The following SPATA18 variants were observed in gnomAD, a reference collection of about 807,000 sequenced individuals.
The protein encoded by SPATA18 is mitochondria-eating protein.
A neutral mutation model predicts 68.1 loss-of-function variants in SPATA18; 54 were observed. The observed-to-expected ratio is 0.79, with a 90% confidence interval of 0.64 to 0.99. SPATA18 has a LOEUF of 0.99. Among genes scored for constraint, SPATA18 ranks in the 50% least tolerant of loss-of-function variants. The pLI is 0.00. For missense variants in SPATA18, 724 were observed against 681.1 expected (o/e 1.06, Z -0.70); for synonymous variants, 242 against 244.8 (o/e 0.99, Z 0.11).
At chr4:52,080,155 A>G (rs1740798530) in intron 9 of SPATA18, among the ~76,000 whole-genome samples, 2 of 152,214 alleles carry the variant, frequency 1.3e-5, no homozygotes, top group Admixed American at 6.5e-5. Flanking sequence ...GAGCCTATCT[A>G]GAACACTTTT....
chr4:52,052,520 T>C (rs1044504575), intron 1 of SPATA18, among the ~76,000 whole-genome samples: 1 of 152,166 alleles, frequency 6.6e-6, no homozygotes, highest in Admixed American at 6.5e-5. Flanking sequence ...TTGAATTTGC[T>C]TTACATTCGG....
At chr4:52,055,044 T>TCTGTTAC (rs1441348500) in intron 1 of SPATA18, among the ~76,000 whole-genome samples, 1 of 151,994 alleles carries the variant, frequency 6.6e-6, no homozygotes, top group Non-Finnish European at 1.5e-5. Flanking sequence ...CCAGAAAATT[T>TCTGTTAC]TGCCTGTAAC....
chr4:52,094,829 G>GA lies in SPATA18; in HGVS notation c.1610-47dup, dbSNP rs772900870. 5.3e-5 allele frequency: 85 copies of GA among 1,612,084 alleles called. 3 individuals carry two copies. Among genetic ancestry groups the GA allele is most frequent in the Non-Finnish European group, 6.1e-5 (72 of 1,178,294 alleles). ...CTCTTTCATTTAGGTGCTTCCAAAA[G>GA]AAAATCGAAGAAAGTGACCATAATA... is the stretch of plus-strand genomic sequence containing the variant. On this transcript the variant is annotated intron_variant, in intron 12 of 12. Coordinates refer to ENST00000295213, the MANE Select transcript of SPATA18 (RefSeq NM_145263.4).
intron 6 of SPATA18, among the ~76,000 whole-genome samples, chr4:52,072,643 T>C (rs1234645084): frequency 1.3e-5 from 2 of 152,156 alleles, no homozygotes; most frequent in African/African-American, 2.4e-5. Flanking sequence ...TGACCTCAGG[T>C]GATCTGCCTG....
At chr4:52,082,885 T>A in intron 10 of SPATA18, 1 of 985,368 alleles carries the variant, frequency 1.0e-6, no homozygotes, top group Non-Finnish European at 1.2e-6. Context: ...ATTTGCCAAA[T>A]TTTTACTGAC....
chr4:52,081,206 C>T (rs1012165537), intron 9 of SPATA18, among the ~76,000 whole-genome samples: 3 of 152,196 alleles, frequency 2.0e-5, no homozygotes, highest in African/African-American at 7.2e-5. Flanking sequence ...ATGTCAAAGA[C>T]TTCTGTAGGG....
chr4:52,080,308 G>C, intron 9 of SPATA18, among the ~76,000 whole-genome samples: 1 of 152,104 alleles, frequency 6.6e-6, no homozygotes, highest in East Asian at 1.9e-4. Flanking sequence ...CACATTCCTG[G>C]ATTACATTTT....
chr4:52,067,701 T>C lies in SPATA18; in HGVS notation c.423-2120T>C, dbSNP rs146283379. 2.9e-3 allele frequency among the ~76,000 whole-genome samples: 435 copies of C among 152,314 alleles called. 7 individuals are homozygous for C. The highest frequency in any genetic ancestry group is 0.025 in the Admixed American group (385 of 15,304). Reference sequence around the variant, plus strand: ...TCTTCTCTCCTTTAATACTCTTCCATGGTGATCTGCTTTTCTCATAATAGC... The same window carrying C: ...TCTTCTCTCCTTTAATACTCTTCCACGGTGATCTGCTTTTCTCATAATAGC... On this transcript the variant is annotated intron_variant, in intron 4 of 12. Coordinates refer to ENST00000295213, the MANE Select transcript of SPATA18 (RefSeq NM_145263.4).
chr4:52,091,087 T>TTGA (rs1197189562), intron 11 of SPATA18, among the ~76,000 whole-genome samples: 1 of 151,970 alleles, frequency 6.6e-6, no homozygotes, highest in African/African-American at 2.4e-5. Context: ...GATTTGGCTA[T>TTGA]TGATACTTGT....
chr4:52,069,639 T>C (rs1235410071), intron 4 of SPATA18, among the ~76,000 whole-genome samples, 182 bp from the exon 5 acceptor site: 1 of 152,360 alleles, frequency 6.6e-6, no homozygotes, highest in African/African-American at 2.4e-5. Flanking sequence ...TAGCATGTTT[T>C]AGCATACAAG....
rs778120667 is a variant in SPATA18, at chr4:52,072,028, G to A, written c.630G>A (p.Gln210=). 2.5e-6 allele frequency: 4 copies of A among 1,613,846 alleles called. No homozygotes were observed. Among genetic ancestry groups the A allele is most frequent in the Non-Finnish European group, 3.4e-6 (4 of 1,180,028 alleles). The change falls in exon 6 of 13, where the codon CAG becomes CAA. Residue 210 remains glutamine, a synonymous_variant. Transcript: ENST00000295213. ...GCTTGGAGGAGCGGAAGCGTGAGCA[G>A]TGGAACTCACTCAAGCAGAATGCAG... ...PWSLEERKRE[Q]WNSLKQNADQ...
rs1740417716 is a variant in SPATA18, at chr4:52,076,960, C to G, written c.940C>G (p.Arg314Gly). The G allele has an allele frequency of 6.2e-7, 1 of 1,613,972 alleles. No individual in the cohort carries two copies. The highest frequency in any genetic ancestry group is 1.1e-5 in the South Asian group (1 of 91,046). Residue 314 changes from arginine to glycine, a missense_variant, in exon 7 of 13, where the codon CGC becomes GGC. Physicochemically the swap from Arg to Gly is moderately radical, Grantham distance 125. Coordinates refer to ENST00000295213, the MANE Select transcript of SPATA18 (RefSeq NM_145263.4). ...GTTCAGCGATTCCTATTCCCAGGCCCGCCTGGACGCGCAGTGCCTGCTGCG... is the reference window on the plus strand; with the variant it reads ...GTTCAGCGATTCCTATTCCCAGGCCGGCCTGGACGCGCAGTGCCTGCTGCG... ...SRFSDSYSQA[R>G]LDAQCLLRRC... is the part of the protein sequence containing the mutation.
chr4:52,087,259 C>T (rs2109522748), intron 11 of SPATA18, among the ~76,000 whole-genome samples: 1 of 152,256 alleles, frequency 6.6e-6, no homozygotes, highest in East Asian at 1.9e-4. Context: ...TGTGCAAAAG[C>T]TCTTTAGTTT....
Position 52,095,158 on chromosome 4 carries a change from A to AATAT in SPATA18, c.*271_*272insATAT. 2 of 495,878 alleles carry AATAT rather than the reference A, an allele frequency of 4.0e-6. No homozygotes were observed. Among genetic ancestry groups the AATAT allele is most frequent in the South Asian group, 6.4e-5 (2 of 31,412 alleles). The allele number at this position is 495,878 out of a possible 1,614,324, so 30.7% of individuals were successfully genotyped here. A position where few individuals can be genotyped will look rare whatever the true frequency, so the allele number is the denominator to read the frequency against. ...TTAGGATCATATTCATTCGAAGCAA[A>AATAT]GTCCGTTACAAAGGTTCAAGATTTC... On this transcript the variant is annotated 3_prime_UTR_variant, in exon 13 of 13. Transcript: ENST00000295213.
chr4:52,076,941 C>T lies in SPATA18; in HGVS notation c.921C>T (p.Ser307=), dbSNP rs1740415338. 1.9e-6 allele frequency: 3 copies of T among 1,614,074 alleles called. No homozygotes were observed. The highest frequency in any genetic ancestry group is 2.5e-6 in the Non-Finnish European group (3 of 1,180,050). The change falls in exon 7 of 13, where the codon AGC becomes AGT. Residue 307 remains serine (S), a synonymous_variant. Transcript: ENST00000295213. ...AGGCTGCCCTCTTGTCCCGGTTCAG[C>T]GATTCCTATTCCCAGGCCCGCCTGG... is the stretch of plus-strand genomic sequence containing the variant. The part of the protein sequence containing the change: ...ARKAALLSRF[S]DSYSQARLDA...
At position 52,069,825 on chromosome 4, in the gene SPATA18, G is replaced by C; in HGVS notation, c.427G>C (p.Val143Leu). ...SQCNQVQDDLVETEKNLEESK... is the reference protein window; with the variant it reads ...SQCNQVQDDLLETEKNLEESK... ...AGTTACTGATTTATCTTACAGTCTG[G>C]TTGAAACTGAAAAGAATCTTGAAGA... is the stretch of plus-strand genomic sequence containing the variant. Residue 143 changes from valine (V) to leucine (L), a missense_variant, in exon 5 of 13, where the codon GTT (valine) becomes CTT (leucine). Val to Leu is a conservative substitution (Grantham distance 32). Transcript: ENST00000295213. 1 of 1,571,798 alleles carries C rather than the reference G, an allele frequency of 6.4e-7. No individual in the cohort carries two copies. Among genetic ancestry groups the C allele is most frequent in the Non-Finnish European group, 8.7e-7 (1 of 1,154,232 alleles).
At chr4:52,052,415 C>A (rs541114919) in intron 1 of SPATA18, among the ~76,000 whole-genome samples, 1 of 152,290 alleles carries the variant, frequency 6.6e-6, no homozygotes, top group South Asian at 2.1e-4. Flanking sequence ...AGTATTCTGT[C>A]ACCAAACCCA....
chr4:52,060,834 G>T lies in SPATA18; in HGVS notation c.246G>T (p.Leu82=). Reference sequence around the variant, plus strand: ...TCAAGTCACGCCTTTTGCCTTGGCTGGAGGCTTCCTTTACTGCTGCTTCCC... The same window carrying T: ...TCAAGTCACGCCTTTTGCCTTGGCTTGAGGCTTCCTTTACTGCTGCTTCCC... ...ETIKSRLLPW[L]EASFTAASLG... Residue 82 remains leucine, a synonymous_variant, in exon 3 of 13, where the codon CTG becomes CTT. Coordinates refer to ENST00000295213, the MANE Select transcript of SPATA18 (RefSeq NM_145263.4). The T allele has an allele frequency of 5.6e-6, 9 of 1,614,034 alleles. No individual in the cohort carries two copies. The highest frequency in any genetic ancestry group is 7.6e-6 in the Non-Finnish European group (9 of 1,179,970).
At chr4:52,086,746 C>T (rs1344446802) in intron 11 of SPATA18, among the ~76,000 whole-genome samples, 2 of 151,990 alleles carry the variant, frequency 1.3e-5, no homozygotes, top group Non-Finnish European at 2.9e-5. Context: ...GTGTCTTTAT[C>T]GTAGAATGAT....
Sources: allele counts gnomAD v4.1 joint callset (sites outside exome capture counted in the v4.1 genomes callset), GRCh38; gene constraint gnomAD v4.1.1; transcripts MANE v1.5; gene names NCBI Gene and HGNC (gene_info 2026-07-23, HGNC 2026-07-21).